ZFYVE9: variants seen among roughly 807,000 people sequenced by gnomAD.
The protein encoded by ZFYVE9 is zinc finger FYVE domain-containing protein 9.
A neutral mutation model predicts 126.7 loss-of-function variants in ZFYVE9; 43 were observed. That is an observed-to-expected ratio of 0.34 (90% confidence interval 0.27 to 0.44). The LOEUF (loss-of-function observed/expected upper bound fraction) is 0.44. Among genes scored for constraint, ZFYVE9 ranks in the 20% least tolerant of loss-of-function variants. ZFYVE9 has a pLI of 1.00. For synonymous variants in ZFYVE9, 521 were observed against 597.4 expected, an observed-to-expected ratio of 0.87 and a Z score of 1.87; for missense variants, 1,476 against 1,697.0, an observed-to-expected ratio of 0.87 and a Z score of 2.29.
chr1:52,169,556 C>T (rs1196230253), intron 1 of ZFYVE9, among the ~76,000 whole-genome samples: 1 of 152,080 alleles, frequency 6.6e-6, no homozygotes, highest in Non-Finnish European at 1.5e-5. Context: ...TCAGGTTTTG[C>T]CTGTTTACTT....
intron 4 of ZFYVE9, among the ~76,000 whole-genome samples, chr1:52,249,340 T>C (rs956572502): frequency 3.3e-5 from 5 of 152,334 alleles, no homozygotes; most frequent in African/African-American, 1.2e-4. Context: ...GCCATATTAA[T>C]AGGTGTGAAG....
chr1:52,270,937 C>A (rs887854224), intron 7 of ZFYVE9, among the ~76,000 whole-genome samples: 1 of 152,094 alleles, frequency 6.6e-6, no homozygotes, highest in Non-Finnish European at 1.5e-5. Context: ...CATCTGTAAT[C>A]CCAGCACTTT....
chr1:52,306,443 A>G (rs965465521), intron 13 of ZFYVE9, among the ~76,000 whole-genome samples: 4 of 152,146 alleles, frequency 2.6e-5, no homozygotes, highest in Admixed American at 2.0e-4. Context: ...GCCCTCCTCT[A>G]TTACGTCACT....
intron 10 of ZFYVE9, among the ~76,000 whole-genome samples, chr1:52,292,986 A>C (rs1261634643): frequency 6.6e-6 from 1 of 152,222 alleles, no homozygotes; most frequent in Non-Finnish European, 1.5e-5. Context: ...CATTTATTTA[A>C]AAATCAGCTT....
chr1:52,179,672 A>C (rs1044114237), intron 1 of ZFYVE9, among the ~76,000 whole-genome samples: 3 of 151,372 alleles, frequency 2.0e-5, no homozygotes, highest in African/African-American at 7.4e-5. Context: ...ACAGTGGAAT[A>C]AAGTCCACAA....
At chr1:52,155,184 A>C (rs1472453197) in intron 1 of ZFYVE9, among the ~76,000 whole-genome samples, 1 of 149,206 alleles carries the variant, frequency 6.7e-6, no homozygotes, top group Admixed American at 6.6e-5. Context: ...GAAGCATTGT[A>C]TCTCTTAATA....
At chr1:52,173,563 T>C (rs1017062072) in intron 1 of ZFYVE9, among the ~76,000 whole-genome samples, 5 of 152,220 alleles carry the variant, frequency 3.3e-5, no homozygotes, top group Non-Finnish European at 1.5e-5. Context: ...ATTGGAATAG[T>C]TTCAGAAGGA....
intron 12 of ZFYVE9, among the ~76,000 whole-genome samples, chr1:52,299,137 A>G (rs1283377570): frequency 1.3e-5 from 2 of 152,122 alleles, no homozygotes; most frequent in Non-Finnish European, 2.9e-5. Flanking sequence ...GTTTCTTTGT[A>G]AAGATCTTTT....
At chr1:52,207,520 C>G (rs1644989157) in intron 1 of ZFYVE9, among the ~76,000 whole-genome samples, 1 of 152,196 alleles carries the variant, frequency 6.6e-6, no homozygotes. Flanking sequence ...ATCCTATTCT[C>G]TTAATGTATT....
At chr1:52,317,472 A>G (rs930275334) in intron 13 of ZFYVE9, among the ~76,000 whole-genome samples, 2 of 111,540 alleles carry the variant, frequency 1.8e-5, no homozygotes, top group Non-Finnish European at 3.6e-5. Context: ...ACAGAGCAAG[A>G]CTCTGTCTCA....
At chr1:52,194,585 C>G (rs1644844055) in intron 1 of ZFYVE9, among the ~76,000 whole-genome samples, 1 of 151,998 alleles carries the variant, frequency 6.6e-6, no homozygotes, top group Admixed American at 6.6e-5. Context: ...TGATTTTATT[C>G]AATAATGATT....
intron 8 of ZFYVE9, 53 bp downstream of exon 8, chr1:52,274,637 T>G (rs2147809634): frequency 6.6e-7 from 1 of 1,508,126 alleles, no homozygotes; most frequent in Non-Finnish European, 9.0e-7. Context: ...AAATGTTACC[T>G]TCTAATTAAG....
intron 7 of ZFYVE9, 139 bp from the exon 8 acceptor site, chr1:52,274,325 G>A: frequency 9.5e-7 from 1 of 1,052,920 alleles, no homozygotes; most frequent in Non-Finnish European, 1.3e-6. Context: ...TAATCCATGG[G>A]TTAATGAATA....
intron 2 of ZFYVE9, among the ~76,000 whole-genome samples, chr1:52,226,679 C>G (rs1045739603): frequency 2.0e-5 from 3 of 152,126 alleles, no homozygotes; most frequent in Non-Finnish European, 2.9e-5. Flanking sequence ...GTTCTCAGAG[C>G]ACAACTTGGT....
chr1:52,250,197 A>G (rs912159569), intron 4 of ZFYVE9, among the ~76,000 whole-genome samples: 4 of 152,210 alleles, frequency 2.6e-5, no homozygotes, highest in Admixed American at 2.0e-4. Flanking sequence ...GTAGATCACT[A>G]TGGGCATTGT....
chr1:52,313,145 G>A (rs1042535676), intron 13 of ZFYVE9, among the ~76,000 whole-genome samples: 1 of 152,170 alleles, frequency 6.6e-6, no homozygotes, highest in African/African-American at 2.4e-5. Flanking sequence ...TTTTGGGCTT[G>A]ATTTTGGACT....
intron 1 of ZFYVE9, among the ~76,000 whole-genome samples, chr1:52,200,716 A>T (rs987522044): frequency 6.6e-6 from 1 of 152,034 alleles, no homozygotes; most frequent in Non-Finnish European, 1.5e-5. Flanking sequence ...ATCTTTTTTT[A>T]TATGTTGGAT....
intron 1 of ZFYVE9, among the ~76,000 whole-genome samples, chr1:52,215,997 G>A (rs1645068797): frequency 6.6e-6 from 1 of 152,222 alleles, no homozygotes; most frequent in African/African-American, 2.4e-5. Context: ...ACATTCTTGT[G>A]AAGCAGCAGT....
In ZFYVE9 at chr1:52,346,128, C is replaced by T. The variant is rs761154997; in HGVS notation, c.4185C>T (p.Ala1395=). The T allele has an allele frequency of 2.8e-5, 45 of 1,613,500 alleles. No homozygotes were observed. The Admixed American group carries it at 6.2e-4, about 22-fold the overall frequency. The part of the protein sequence containing the change: ...PSQYMNDLDS[A]LVPVIHGGAC... The stretch of plus-strand genomic sequence containing the variant: ...AGTACATGAATGATCTGGACAGCGC[C>T]TTGGTGCCGGTGATCCATGGAGGGG... The change falls in exon 19 of 19, where the codon GCC becomes GCT. Residue 1395 remains alanine, a synonymous_variant. Coordinates refer to ENST00000287727, the MANE Select transcript of ZFYVE9 (RefSeq NM_004799.4).
Sources: allele counts gnomAD v4.1 joint callset (sites outside exome capture counted in the v4.1 genomes callset), GRCh38; gene constraint gnomAD v4.1.1; transcripts MANE v1.5; gene names NCBI Gene and HGNC (gene_info 2026-07-23, HGNC 2026-07-21).